MACROD2: variants seen among roughly 807,000 people sequenced by gnomAD.
MACROD2 encodes the protein ADP-ribose glycohydrolase MACROD2.
A neutral mutation model predicts 70.4 loss-of-function variants in MACROD2; 36 were observed. That is an observed-to-expected ratio of 0.51 (90% CI 0.39 to 0.68). The LOEUF is 0.68. Ranked by LOEUF, MACROD2 falls within the 30% of genes least tolerant of loss-of-function variation. The pLI is 0.00. For missense variants in MACROD2, 496 were observed against 538.4 expected (o/e 0.92, Z 0.78); for synonymous variants, 172 against 178.8 (o/e 0.96, Z 0.30).
chr20:14,594,504 G>A (rs1056228339), intron 4 of MACROD2, among the ~76,000 whole-genome samples: 15 of 152,058 alleles, frequency 9.9e-5, no homozygotes, highest in African/African-American at 3.6e-4. Context: ...ATCTAAGTAA[G>A]ACCATCTAAA....
intron 4 of MACROD2, among the ~76,000 whole-genome samples, chr20:14,575,901 A>C (rs1980569345): frequency 6.6e-6 from 1 of 152,230 alleles, no homozygotes. Context: ...TCTGTCGAAC[A>C]ATACTAATAA....
At chr20:14,959,937 G>A (rs2074569170) in intron 5 of MACROD2, among the ~76,000 whole-genome samples, 1 of 152,110 alleles carries the variant, frequency 6.6e-6, no homozygotes, top group African/African-American at 2.4e-5. Context: ...ACACTTGTCA[G>A]CAGCCCCACC....
intron 2 of MACROD2, 75 bp from the exon 3 acceptor site, chr20:14,085,546 G>C (rs2054066194): frequency 7.2e-6 from 6 of 837,012 alleles, no homozygotes; most frequent in Non-Finnish European, 1.0e-5. Flanking sequence ...TCTTGTAGTA[G>C]TCTTGAGTAA....
chr20:14,435,712 A>AT (rs66776909), intron 3 of MACROD2, among the ~76,000 whole-genome samples: 67,089 of 148,556 alleles, frequency 0.45, 15,928 homozygotes, highest in Non-Finnish European at 0.55. Flanking sequence ...TATAGAAGTC[A>AT]TTTTTTTTTT....
intron 5 of MACROD2, among the ~76,000 whole-genome samples, chr20:14,916,723 C>G (rs2122618452): frequency 6.6e-6 from 1 of 152,212 alleles, no homozygotes; most frequent in Non-Finnish European, 1.5e-5. Context: ...CTCAACTTTT[C>G]TGTGCATTTG....
rs57584580 is a variant in MACROD2 at position 15,605,453 on chromosome 20, CGTGTGTGTGTGT to C, written c.645+105631_645+105642del. On this transcript the variant is annotated intron_variant, in intron 8 of 17. Coordinates refer to ENST00000684519, the MANE Select transcript of MACROD2 (RefSeq NM_001351661.2). Reference sequence around the variant, plus strand: ...TCAGTTAGAAAAAACAGGATGTAAGCGTGTGTGTGTGTGTGTGTGTGTGTGTGTGTGTGTGTA... The same window carrying C: ...TCAGTTAGAAAAAACAGGATGTAAGCGTGTGTGTGTGTGTGTGTGTGTGTA... Among the ~76,000 whole-genome samples, 16 of 141,786 alleles carry C rather than the reference CGTGTGTGTGTGT, an allele frequency of 1.1e-4. No individual in the cohort carries two copies. The East Asian group carries it at 1.9e-3, about 17-fold the overall frequency. 93.0% of individuals were successfully genotyped at this position (141,786 alleles called of 152,430 possible).
intron 5 of MACROD2, among the ~76,000 whole-genome samples, chr20:14,714,622 T>C (rs2123670059): frequency 6.6e-6 from 1 of 152,296 alleles, no homozygotes; most frequent in Non-Finnish European, 1.5e-5. Flanking sequence ...AAACTGTGTC[T>C]CATTCTTTGT....
chr20:15,488,255 A>G (rs566043889), intron 7 of MACROD2, among the ~76,000 whole-genome samples: 1 of 152,264 alleles, frequency 6.6e-6, no homozygotes, highest in South Asian at 2.1e-4. Flanking sequence ...CTCCAGTGAG[A>G]GGGCTTATTC....
intron 10 of MACROD2, among the ~76,000 whole-genome samples, chr20:15,923,812 T>C (rs1331173722): frequency 2.0e-5 from 3 of 152,250 alleles, no homozygotes; most frequent in African/African-American, 7.2e-5. Context: ...GTGGTTTCTC[T>C]ACTTGCAAAT....
At chr20:15,052,734 G>A (rs536010432) in intron 5 of MACROD2, among the ~76,000 whole-genome samples, 2 of 152,324 alleles carry the variant, frequency 1.3e-5, no homozygotes, top group East Asian at 3.9e-4. Flanking sequence ...GTTCAAGTGA[G>A]AGAAAGAATT....
rs1302339865 is a variant in MACROD2, at chr20:14,734,538, C to A, written c.418+49579C>A. ...AAAACAAAAAAAACAAAAACAAAAA[C>A]AAAAAAGCAAAAAAAAAAACAACCA... On this transcript the variant is annotated intron_variant, in intron 5 of 17. Coordinates refer to ENST00000684519, the MANE Select transcript of MACROD2 (RefSeq NM_001351661.2). Among the ~76,000 whole-genome samples, 162 of 87,598 alleles carry A rather than the reference C, an allele frequency of 1.8e-3. 1 individual carries two copies. Among genetic ancestry groups the A allele is most frequent in the Non-Finnish European group, 3.8e-3 (135 of 35,408 alleles). The allele number at this position is 87,598 out of a possible 152,430, so 57.5% of individuals were successfully genotyped here.
At chr20:14,435,340 G>C (rs6079441) in intron 3 of MACROD2, among the ~76,000 whole-genome samples, 1 of 152,056 alleles carries the variant, frequency 6.6e-6, no homozygotes, top group African/African-American at 2.4e-5. Context: ...TGTCATCTCA[G>C]GATCTTAACT....
At chr20:14,176,471 T>C (rs1203924183) in intron 3 of MACROD2, among the ~76,000 whole-genome samples, 1 of 152,150 alleles carries the variant, frequency 6.6e-6, no homozygotes, top group African/African-American at 2.4e-5. Context: ...TTAGAATAGA[T>C]ATGAAAGTAC....
intron 8 of MACROD2, among the ~76,000 whole-genome samples, chr20:15,801,337 T>G (rs2063724518): frequency 6.6e-6 from 1 of 152,038 alleles, no homozygotes; most frequent in Non-Finnish European, 1.5e-5. Flanking sequence ...CAGAGGATGC[T>G]GGAGGAGGCT....
intron 5 of MACROD2, among the ~76,000 whole-genome samples, chr20:14,797,547 C>T (rs888863163): frequency 1.3e-5 from 2 of 152,000 alleles, no homozygotes; most frequent in African/African-American, 4.8e-5. Context: ...TCTTCCTCTC[C>T]GTTCTTTCTC....
chr20:15,179,941 A>C (rs2076488821), intron 5 of MACROD2, among the ~76,000 whole-genome samples: 1 of 152,214 alleles, frequency 6.6e-6, no homozygotes, highest in African/African-American at 2.4e-5. Flanking sequence ...GTAGTCTGGA[A>C]GTCCAAGATG....
intron 2 of MACROD2, among the ~76,000 whole-genome samples, chr20:14,020,465 C>T (rs1440434767): frequency 6.6e-6 from 1 of 152,116 alleles, no homozygotes; most frequent in Non-Finnish European, 1.5e-5. Context: ...AAGAGTGAAA[C>T]TCCATCTCAA....
chr20:15,927,042 A>G (rs1389694658), intron 10 of MACROD2, among the ~76,000 whole-genome samples: 1 of 152,174 alleles, frequency 6.6e-6, no homozygotes, highest in African/African-American at 2.4e-5. Context: ...TTAACTAACT[A>G]TTAATACTTG....
intron 5 of MACROD2, among the ~76,000 whole-genome samples, chr20:14,714,046 T>A (rs1405145831): frequency 6.6e-6 from 1 of 152,126 alleles, no homozygotes; most frequent in Non-Finnish European, 1.5e-5. Flanking sequence ...GTAAGTAAAC[T>A]ACTTTGGACA....
Sources: gnomAD v4.1 joint callset for allele counts (sites outside exome capture counted in the v4.1 genomes callset) on GRCh38, gnomAD v4.1.1 for gene constraint, MANE v1.5 for transcripts, NCBI Gene and HGNC (gene_info 2026-07-23, HGNC 2026-07-21) for gene names.